Variants in NOTCH4 observed in about 807,000 individuals in gnomAD.
NOTCH4 encodes the protein neurogenic locus notch homolog protein 4.
In NOTCH4, 138 loss-of-function variants were observed where a neutral mutation model predicts 189.0. The ratio of observed to expected loss-of-function variants is 0.73; its 90% CI spans 0.64 to 0.84. The LOEUF (loss-of-function observed/expected upper bound fraction) is 0.84, where lower values mean the gene tolerates loss of function less well. Among genes scored for constraint, NOTCH4 ranks in the 40% least tolerant of loss-of-function variants. The probability of loss-of-function intolerance (pLI) is 0.00; values close to 1 mark genes in which losing one functional copy is unlikely to be tolerated. For synonymous variants in NOTCH4, 942 were observed against 1,032.8 expected, an observed-to-expected ratio of 0.91 and a Z score of 1.69; for missense variants, 2,286 against 2,605.4, an observed-to-expected ratio of 0.88 and a Z score of 2.67.
In NOTCH4 at chr6:32,213,821, C is replaced by G; in HGVS notation, c.2187G>C (p.Glu729Asp). Residue 729 changes from glutamate (E) to aspartate (D), a missense_variant, in exon 14 of 30, where the codon GAG (glutamate) becomes GAC (aspartate). Coordinates refer to ENST00000375023, the MANE Select transcript of NOTCH4 (RefSeq NM_004557.4). ...TGYTGPTCSEEMTACHSGPCL... is the reference protein window; with the variant it reads ...TGYTGPTCSEDMTACHSGPCL... ...ATGGCCCTGAGTGACAAGCTGTCAT[C>G]TCCTCACTACAGGTGGGTCCTGAAG... The G allele has an allele frequency of 1.2e-6, 2 of 1,611,982 alleles. No homozygotes were observed. The highest frequency in any genetic ancestry group is 1.1e-5 in the South Asian group (1 of 91,032).
Position 32,212,623 on chromosome 6 carries a change from A to C in NOTCH4, c.2531T>G (p.Leu844Arg). 6.2e-7 allele frequency: 1 copy of C among 1,610,716 alleles called. No individual in the cohort carries two copies. Among genetic ancestry groups the C allele is most frequent in the Non-Finnish European group, 8.5e-7 (1 of 1,178,626 alleles). ...GGGCTTCTGGGCACATAAGTCCATC[A>C]GAGTCTGAGGGGTGGGAGGGAGCGT... ...TGYTGGSCQT[L>R]MDLCAQKPCP... The change falls in exon 17 of 30, where the codon CTG becomes CGG. Residue 844 changes from leucine to arginine, a missense_variant. Physicochemically the swap from Leu to Arg is moderately radical, Grantham distance 102. Coordinates refer to ENST00000375023, the MANE Select transcript of NOTCH4 (RefSeq NM_004557.4). The surrounding 1 kb of genome is among the most constrained non-coding windows in gnomAD (Gnocchi z 4.4).
chr6:32,215,486 C>T, intron 11 of NOTCH4, 101 bp from the exon 12 acceptor site: 1 of 1,176,888 alleles, frequency 8.5e-7, no homozygotes, highest in Non-Finnish European at 1.2e-6. Flanking sequence ...CTTATGCTTG[C>T]CTTACTCACT....
chr6:32,212,861 C>T lies in NOTCH4; in HGVS notation c.2489G>A (p.Cys830Tyr). The T allele has an allele frequency of 6.4e-7, 1 of 1,552,714 alleles. No homozygotes were observed. Among genetic ancestry groups the T allele is most frequent in the Non-Finnish European group, 8.7e-7 (1 of 1,147,636 alleles). Reference protein sequence around the residue: ...TCQDSPQGPRCLCPTGYTGGS... With the variant: ...TCQDSPQGPRYLCPTGYTGGS... ...TCCGGTGTAGCCAGTGGGGCAGAGG[C>T]AGCGGGGACCCTGAGGGCTGTCCTG... is the stretch of plus-strand genomic sequence containing the variant. The change falls in exon 16 of 30, where the codon TGC becomes TAC. Residue 830 changes from cysteine (C) to tyrosine (Y), a missense_variant. By Grantham distance (194) the Cys-to-Tyr change is radical (BLOSUM62 -2). Coordinates refer to ENST00000375023, the MANE Select transcript of NOTCH4 (RefSeq NM_004557.4). The surrounding 1 kb of genome is among the most constrained non-coding windows in gnomAD (Gnocchi z 4.4).
rs770444076 is a variant in NOTCH4 at position 32,219,707 on chromosome 6, A to G, written c.1395T>C (p.Pro465=). 6.2e-7 allele frequency: 1 copy of G among 1,613,148 alleles called. No homozygotes were observed. The highest frequency in any genetic ancestry group is 8.5e-7 in the Non-Finnish European group (1 of 1,179,984). The change falls in exon 8 of 30, where the codon CCT becomes CCC. Residue 465 remains proline, a synonymous_variant. Coordinates refer to ENST00000375023, the MANE Select transcript of NOTCH4 (RefSeq NM_004557.4). ...CCTCACAACGGGAGCCTGTGTAGCC[A>G]GGTGGACAGAGGCAGTTGAAGGAGC... ...TPGSFNCLCP[P]GYTGSRCEAD...
chr6:32,215,196 G>A, intron 12 of NOTCH4, 30 bp downstream of exon 12: 4 of 1,558,040 alleles, frequency 2.6e-6, no homozygotes, highest in Non-Finnish European at 2.6e-6. Flanking sequence ...CAAAGGAGGG[G>A]GCAGATGGGG....
Position 32,201,609 on chromosome 6 carries a change from GT to G in NOTCH4, c.3756-110del, listed in dbSNP as rs572584167. ...TGCCCTCTAGGGCTTTGGTTGCTAA[GT>G]GGGGGCAGCTGTGGAGCAATGAGCT... On this transcript the variant is annotated intron_variant, in intron 21 of 29. Transcript: ENST00000375023. This position sits in a 1 kb window ranked among gnomAD's most constrained non-coding sequence, Gnocchi z 5.5. The G allele has an allele frequency of 6.1e-5, 68 of 1,119,750 alleles. No individual in the cohort carries two copies. The South Asian group carries it at 1.5e-3, about 25-fold the overall frequency. 69.4% of individuals were successfully genotyped at this position (1,119,750 alleles called of 1,614,324 possible).
At chr6:32,211,258 T>A (rs1561932853) in intron 17 of NOTCH4, among the ~76,000 whole-genome samples, 1 of 145,956 alleles carries the variant, frequency 6.9e-6, no homozygotes, top group Non-Finnish European at 1.5e-5. Flanking sequence ...AGACTCCATC[T>A]CAAACAAACA....
chr6:32,211,572 G>A (rs1223561123), intron 17 of NOTCH4, among the ~76,000 whole-genome samples: 1 of 151,558 alleles, frequency 6.6e-6, no homozygotes, highest in African/African-American at 2.4e-5. Context: ...CACCCTGGGT[G>A]ACAGACTGGG....
Position 32,217,145 on chromosome 6 carries a change from C to T in NOTCH4, c.1738+8G>A. The T allele has an allele frequency of 6.2e-7, 1 of 1,612,868 alleles. No homozygotes were observed. Among genetic ancestry groups the T allele is most frequent in the South Asian group, 1.1e-5 (1 of 91,086 alleles). On this transcript the variant is annotated splice_region_variant and intron_variant, in intron 10 of 29. Coordinates refer to ENST00000375023, the MANE Select transcript of NOTCH4 (RefSeq NM_004557.4). This position sits in a 1 kb window ranked among gnomAD's most constrained non-coding sequence, Gnocchi z 4.2. Reference sequence around the variant, plus strand: ...CCGCTGTCCCCCACAGTGTGTGCCCCAGTTTACCTGGGAGACACTTGCAGT... The same window carrying T: ...CCGCTGTCCCCCACAGTGTGTGCCCTAGTTTACCTGGGAGACACTTGCAGT...
chr6:32,204,228 C>G lies in NOTCH4; in HGVS notation c.3027G>C (p.Glu1009Asp). Residue 1009 changes from glutamate (E) to aspartate (D), a missense_variant, in exon 19 of 30, where the codon GAG (glutamate) becomes GAC (aspartate). Glu to Asp is a conservative substitution (Grantham distance 45). Coordinates refer to ENST00000375023, the MANE Select transcript of NOTCH4 (RefSeq NM_004557.4). The part of the protein sequence containing the change: ...VGLRCEGDVD[E>D]CLDQPCHPTG... The stretch of plus-strand genomic sequence containing the variant: ...TGGGGTGGCAGGGCTGGTCCAGACA[C>G]TCGTCCACGTCTCCCTCACAGCGTA... The G allele has an allele frequency of 6.2e-7, 1 of 1,613,044 alleles. No individual in the cohort carries two copies. Among genetic ancestry groups the G allele is most frequent in the Non-Finnish European group, 8.5e-7 (1 of 1,180,018 alleles).
rs776889687 is a variant in NOTCH4 at position 32,222,502 on chromosome 6, A to G, written c.451+9T>C. 30 of 1,505,754 alleles carry G rather than the reference A, an allele frequency of 2.0e-5. No individual in the cohort carries two copies. Among genetic ancestry groups the G allele is most frequent in the Non-Finnish European group, 2.6e-5 (29 of 1,132,354 alleles). The allele number at this position is 1,505,754 out of a possible 1,614,324, so 93.3% of individuals were successfully genotyped here. A position where few individuals can be genotyped will look rare whatever the true frequency, so the allele number is the denominator to read the frequency against. On this transcript the variant is annotated intron_variant, in intron 3 of 29. Transcript: ENST00000375023. ...CTGTCCCCTCCTGGCTGCCCCCAGC[A>G]GCGCTTACCTGTCCATCCAGGCATG... is the stretch of plus-strand genomic sequence containing the variant.
Position 32,223,064 on chromosome 6 carries a change from T to C in NOTCH4, c.96A>G (p.Pro32=), listed in dbSNP as rs773964913. The C allele has an allele frequency of 1.8e-5, 29 of 1,613,842 alleles. No homozygotes were observed. Among genetic ancestry groups the C allele is most frequent in the Non-Finnish European group, 2.4e-5 (28 of 1,179,954 alleles). Residue 32 remains proline (P), a synonymous_variant, in exon 2 of 30, where the codon CCA becomes CCG. Coordinates refer to ENST00000375023, the MANE Select transcript of NOTCH4 (RefSeq NM_004557.4). ...AGGTGCCTCCATTGGCACAGGGTTC[T>C]GGGAAACTCCCACACAGCAGCCCTG... ...RPRGLLCGSF[P]EPCANGGTCL...
chr6:32,219,830 G>C, intron 7 of NOTCH4, 44 bp from the exon 8 acceptor site: 1 of 1,504,458 alleles, frequency 6.6e-7, no homozygotes, highest in South Asian at 1.2e-5. Context: ...GTCAGGGCAG[G>C]AAGGGCAAGG....
chr6:32,223,797 C>T, intron 1 of NOTCH4, 59 bp downstream of exon 1: 1 of 1,554,622 alleles, frequency 6.4e-7, no homozygotes, highest in Non-Finnish European at 8.8e-7. Flanking sequence ...TTCCCCCACC[C>T]CACTGATCAT....
At chr6:32,213,030 C>A (rs576707363) in intron 15 of NOTCH4, 105 bp downstream of exon 15, 13 of 1,230,316 alleles carry the variant, frequency 1.1e-5, no homozygotes, top group African/African-American at 7.5e-5. Context: ...GAAGGCGGAA[C>A]GAGGTGTGGG....
intron 17 of NOTCH4, among the ~76,000 whole-genome samples, chr6:32,211,401 C>A (rs1789009847): frequency 6.7e-6 from 1 of 150,266 alleles, no homozygotes; most frequent in South Asian, 2.1e-4. Flanking sequence ...ACCAGTCTGG[C>A]CAACATAATG....
At chr6:32,206,725 C>T (rs1054136078) in intron 18 of NOTCH4, among the ~76,000 whole-genome samples, 1 of 151,910 alleles carries the variant, frequency 6.6e-6, no homozygotes, top group Non-Finnish European at 1.5e-5. Context: ...CTGTAAAAGA[C>T]CCAAATAGCC....
chr6:32,223,150 A>G, intron 1 of NOTCH4, 64 bp from the exon 2 acceptor site: 1 of 1,289,598 alleles, frequency 7.8e-7, no homozygotes, highest in Non-Finnish European at 1.1e-6. Flanking sequence ...TTCCTCTTCT[A>G]GGTGCTCCTG....
chr6:32,196,936 C>T lies in NOTCH4; in HGVS notation c.5189G>A (p.Arg1730Lys), dbSNP rs1164031211. The T allele has an allele frequency of 6.2e-7, 1 of 1,612,984 alleles. No homozygotes were observed. Among genetic ancestry groups the T allele is most frequent in the Non-Finnish European group, 8.5e-7 (1 of 1,180,026 alleles). Reference protein sequence around the residue: ...LIAAQADVGARDKWGKTALHW... With the variant: ...LIAAQADVGAKDKWGKTALHW... The stretch of plus-strand genomic sequence containing the variant: ...CTTCCTCTACATACCCCATTTATCT[C>T]TGGCCCCCACGTCTGCTTGGGCTGC... Residue 1730 changes from arginine (R) to lysine (K), a missense_variant, in exon 28 of 30, where the codon AGA becomes AAA. Transcript: ENST00000375023.
Sources: allele counts gnomAD v4.1 joint callset (sites outside exome capture counted in the v4.1 genomes callset), GRCh38; gene constraint gnomAD v4.1.1; non-coding constraint Gnocchi (gnomAD v3.1); transcripts MANE v1.5; gene names NCBI Gene and HGNC (gene_info 2026-07-23, HGNC 2026-07-21).